The following ASTN1 variants were observed in gnomAD, a reference collection of about 807,000 sequenced individuals.
The protein encoded by ASTN1 is astrotactin-1.
A neutral mutation model predicts 140.7 loss-of-function variants in ASTN1; 41 were observed. That is an observed-to-expected ratio of 0.29 (90% CI 0.23 to 0.38). The LOEUF (loss-of-function observed/expected upper bound fraction) is 0.38. Among genes scored for constraint, ASTN1 ranks in the 10% least tolerant of loss-of-function variants. ASTN1 has a pLI of 1.00. For synonymous variants in ASTN1, 640 were observed against 652.2 expected (o/e 0.98, Z 0.29); for missense variants, 1,479 against 1,678.8 (o/e 0.88, Z 2.08).
chr1:177,036,475 A>G (rs144211956), intron 2 of ASTN1, among the ~76,000 whole-genome samples: 263 of 152,326 alleles, frequency 1.7e-3, no homozygotes, highest in African/African-American at 6.2e-3. Flanking sequence ...TCTGTAACTC[A>G]AATTGGTGAC....
At chr1:177,146,816 T>A (rs763789395) in intron 1 of ASTN1, among the ~76,000 whole-genome samples, 2 of 152,180 alleles carry the variant, frequency 1.3e-5, no homozygotes, top group Non-Finnish European at 2.9e-5. Flanking sequence ...ATAGTTAGCT[T>A]GTCAGTTGTT....
At chr1:177,099,331 A>G (rs933169465) in intron 1 of ASTN1, among the ~76,000 whole-genome samples, 7 of 152,122 alleles carry the variant, frequency 4.6e-5, no homozygotes, top group Non-Finnish European at 8.8e-5. Flanking sequence ...CCTCGCTTAT[A>G]TTTTATGATC....
At chr1:177,152,563 C>G (rs993294503) in intron 1 of ASTN1, among the ~76,000 whole-genome samples, 3 of 151,416 alleles carry the variant, frequency 2.0e-5, no homozygotes, top group African/African-American at 7.3e-5. Context: ...TACTAAAGGG[C>G]AGTCAAGATT....
chr1:176,967,250 T>A (rs961722256), intron 8 of ASTN1, among the ~76,000 whole-genome samples: 1 of 152,144 alleles, frequency 6.6e-6, no homozygotes, highest in Non-Finnish European at 1.5e-5. Context: ...TCCCCAGGTG[T>A]TTTTTATGTT....
intron 1 of ASTN1, among the ~76,000 whole-genome samples, chr1:177,079,187 G>A (rs1481124634): frequency 1.3e-5 from 2 of 152,186 alleles, no homozygotes; most frequent in Non-Finnish European, 2.9e-5. Context: ...CATATTAGGT[G>A]TATAAAGGCT....
chr1:176,917,510 A>G (rs74127259), intron 16 of ASTN1, among the ~76,000 whole-genome samples: 4,568 of 152,224 alleles, frequency 0.03, 193 homozygotes, highest in African/African-American at 0.1. Flanking sequence ...GAAGCCAAAG[A>G]CATGCCCGGG....
intron 16 of ASTN1, among the ~76,000 whole-genome samples, chr1:176,917,203 C>T (rs1571505956): frequency 6.6e-6 from 1 of 152,102 alleles, no homozygotes; most frequent in Non-Finnish European, 1.5e-5. Flanking sequence ...CTAGACTCTT[C>T]CCAGAGACTT....
At chr1:177,098,363 C>T (rs531167472) in intron 1 of ASTN1, among the ~76,000 whole-genome samples, 21 of 152,118 alleles carry the variant, frequency 1.4e-4, no homozygotes, top group Middle Eastern at 6.8e-3. Context: ...ATCATAGCAG[C>T]GGGAGTACCT....
In ASTN1 at chr1:176,949,168, C is replaced by T. The variant is rs910634819; in HGVS notation, c.2054+17G>A. On this transcript the variant is annotated intron_variant, in intron 12 of 22. Transcript: ENST00000361833. ...GACAGATGGACGCCAGGTGGCCTCG[C>T]TGGCAGCTCAACTCACCCACAGAAC... 7 of 1,612,944 alleles carry T rather than the reference C, an allele frequency of 4.3e-6. No individual in the cohort carries two copies. The African/African-American group carries it at 9.3e-5, about 22-fold the overall frequency.
intron 8 of ASTN1, among the ~76,000 whole-genome samples, chr1:176,985,150 C>T (rs1673825824): frequency 6.6e-6 from 1 of 152,226 alleles, no homozygotes; most frequent in African/African-American, 2.4e-5. Flanking sequence ...TCCGTGTGCA[C>T]TGAAGGCCCT....
intron 16 of ASTN1, among the ~76,000 whole-genome samples, chr1:176,918,093 C>G (rs1286214220): frequency 6.6e-6 from 1 of 152,128 alleles, no homozygotes; most frequent in Non-Finnish European, 1.5e-5. Context: ...CAGCTACTCA[C>G]TCCTTTTGTC....
chr1:177,130,830 C>T (rs1681906218), intron 1 of ASTN1, among the ~76,000 whole-genome samples: 1 of 152,204 alleles, frequency 6.6e-6, no homozygotes, highest in Admixed American at 6.5e-5. Flanking sequence ...ACAAGGTTAC[C>T]ATTAGCTCCT....
intron 7 of ASTN1, among the ~76,000 whole-genome samples, chr1:177,023,128 CCTGA>C (rs1338676841): frequency 6.6e-6 from 1 of 152,066 alleles, no homozygotes; most frequent in Non-Finnish European, 1.5e-5. Flanking sequence ...TTAAATATCC[CCTGA>C]CTATGGGATA....
chr1:176,918,493 T>C (rs1405941016), intron 16 of ASTN1, among the ~76,000 whole-genome samples: 2 of 152,158 alleles, frequency 1.3e-5, no homozygotes, highest in African/African-American at 4.8e-5. Flanking sequence ...TCTGAAATTA[T>C]TATAGTAACT....
At chr1:177,059,624 A>G (rs1190118316) in intron 2 of ASTN1, among the ~76,000 whole-genome samples, 1 of 152,154 alleles carries the variant, frequency 6.6e-6, no homozygotes, top group Non-Finnish European at 1.5e-5. Context: ...GTAACCTATC[A>G]AGCCAGTTTA....
chr1:177,091,161 C>T (rs1183420934), intron 1 of ASTN1, among the ~76,000 whole-genome samples: 1 of 152,100 alleles, frequency 6.6e-6, no homozygotes, highest in Non-Finnish European at 1.5e-5. Context: ...AACACAGCAA[C>T]CAGAACTGAC....
chr1:177,130,997 T>G (rs990865397), intron 1 of ASTN1, among the ~76,000 whole-genome samples: 2 of 152,210 alleles, frequency 1.3e-5, no homozygotes, highest in Admixed American at 1.3e-4. Context: ...CATGACAAAT[T>G]TCACTCTTCA....
At chr1:176,869,117 G>T in intron 21 of ASTN1, 90 bp from the exon 22 acceptor site, 19 of 868,574 alleles carry the variant, frequency 2.2e-5, no homozygotes, top group Non-Finnish European at 2.6e-5. Flanking sequence ...ATATCATATA[G>T]ACATATCACA....
chr1:177,149,456 G>A (rs1238695350), intron 1 of ASTN1, among the ~76,000 whole-genome samples: 1 of 64,444 alleles, frequency 1.6e-5, no homozygotes, highest in Non-Finnish European at 2.4e-5. Context: ...TATATATATA[G>A]TAAATATATA....
Sources: gnomAD v4.1 joint callset for allele counts (sites outside exome capture counted in the v4.1 genomes callset) on GRCh38, gnomAD v4.1.1 for gene constraint, MANE v1.5 for transcripts, NCBI Gene and HGNC (gene_info 2026-07-23, HGNC 2026-07-21) for gene names.